PHKB: variants seen among roughly 807,000 people sequenced by gnomAD.
The protein encoded by PHKB is phosphorylase kinase regulatory subunit beta, also known as phosphorylase b kinase regulatory subunit beta.
PHKB carries 122 observed loss-of-function variants against 152.1 expected under a neutral mutation model. That is an observed-to-expected ratio of 0.80 (90% CI 0.69 to 0.93). The LOEUF (loss-of-function observed/expected upper bound fraction) is 0.93, where lower values mean the gene tolerates loss of function less well. Ranked by LOEUF, PHKB falls within the 40% of genes least tolerant of loss-of-function variation. PHKB has a pLI of 0.00. For synonymous variants in PHKB, 436 were observed against 464.9 expected (o/e 0.94, Z 0.80); for missense variants, 1,304 against 1,328.4 (o/e 0.98, Z 0.29).
intron 26 of PHKB, among the ~76,000 whole-genome samples, chr16:47,678,094 T>C (rs1275599822): frequency 1.3e-5 from 2 of 152,102 alleles, no homozygotes; most frequent in Non-Finnish European, 2.9e-5. Flanking sequence ...ACAAAGGACC[T>C]GAACTCATCA....
chr16:47,636,957 C>T (rs944957976), intron 14 of PHKB, among the ~76,000 whole-genome samples: 2 of 152,136 alleles, frequency 1.3e-5, no homozygotes, highest in Admixed American at 6.5e-5. Context: ...GCCCATGGAC[C>T]GATCAGCATG....
At chr16:47,477,655 G>A (rs886517277) in intron 1 of PHKB, among the ~76,000 whole-genome samples, 6 of 152,236 alleles carry the variant, frequency 3.9e-5, no homozygotes, top group South Asian at 4.1e-4. Context: ...GACGTGGTGA[G>A]GGCACTTTTG....
At chr16:47,499,296 A>C (rs1399064801) in intron 2 of PHKB, among the ~76,000 whole-genome samples, 1 of 152,148 alleles carries the variant, frequency 6.6e-6, no homozygotes, top group African/African-American at 2.4e-5. Flanking sequence ...CCCTTCCTAC[A>C]TTGTTGATCA....
chr16:47,568,758 C>T (rs1971609569), intron 7 of PHKB, among the ~76,000 whole-genome samples: 2 of 152,062 alleles, frequency 1.3e-5, no homozygotes, highest in South Asian at 4.1e-4. Context: ...TTTAAAATTT[C>T]ATCTTGATTA....
At chr16:47,580,966 G>A (rs1250452287) in intron 8 of PHKB, among the ~76,000 whole-genome samples, 1 of 152,170 alleles carries the variant, frequency 6.6e-6, no homozygotes, top group Non-Finnish European at 1.5e-5. Flanking sequence ...GTTGTCAGTG[G>A]AAAGGAATAA....
intron 16 of PHKB, among the ~76,000 whole-genome samples, chr16:47,644,793 G>C (rs962417428): frequency 6.6e-6 from 1 of 152,184 alleles, no homozygotes; most frequent in South Asian, 2.1e-4. Context: ...GTGCCAAAAA[G>C]CCATTGAGGA....
At chr16:47,697,764 AT>A (rs1185896919) in intron 29 of PHKB, among the ~76,000 whole-genome samples, 1 of 152,244 alleles carries the variant, frequency 6.6e-6, no homozygotes, top group Non-Finnish European at 1.5e-5. Flanking sequence ...TGCAGATATT[AT>A]TTTTGCTTAT....
At chr16:47,649,370 C>A (rs1358223318) in intron 18 of PHKB, among the ~76,000 whole-genome samples, 166 bp downstream of exon 18, 2 of 151,996 alleles carry the variant, frequency 1.3e-5, no homozygotes, top group East Asian at 3.9e-4. Flanking sequence ...AAATTACTTG[C>A]AGCATTGGCA....
chr16:47,688,929 C>T (rs1974012544), intron 26 of PHKB, 112 bp from the exon 27 acceptor site: 3 of 1,152,916 alleles, frequency 2.6e-6, no homozygotes, highest in African/African-American at 1.5e-5. Context: ...CAAACGGCCT[C>T]TTCTTCATTC....
At chr16:47,676,316 A>G (rs1973731765) in intron 26 of PHKB, 1 of 152,184 alleles carries the variant, frequency 6.6e-6, no homozygotes, top group Non-Finnish European at 1.5e-5. Flanking sequence ...GCCTTATGGT[A>G]CAATAAGCAC....
intron 26 of PHKB, among the ~76,000 whole-genome samples, chr16:47,684,627 C>T (rs994734629): frequency 3.3e-5 from 5 of 151,238 alleles, no homozygotes; most frequent in Non-Finnish European, 5.9e-5. Context: ...ATTAGCTGGG[C>T]GTAGTAGCGG....
Position 47,640,982 on chromosome 16 carries a change from A to C in PHKB, c.1459-53A>C. ...TTGTCCTTGTTTCTCATTGTAGCTGATGATGACCAGATCTTTTAAAATGTT... is the reference window on the plus strand; with the variant it reads ...TTGTCCTTGTTTCTCATTGTAGCTGCTGATGACCAGATCTTTTAAAATGTT... On this transcript the variant is annotated intron_variant, in intron 14 of 30. Transcript: ENST00000323584. 2.7e-6 allele frequency: 4 copies of C among 1,468,328 alleles called. No individual in the cohort carries two copies. The East Asian group carries it at 9.0e-5, about 33-fold the overall frequency. 91.0% of individuals were successfully genotyped at this position (1,468,328 alleles called of 1,614,324 possible).
Position 47,616,567 on chromosome 16 carries a change from AT to A in PHKB, c.1458+5651del, listed in dbSNP as rs573763101. Among the ~76,000 whole-genome samples the A allele has an allele frequency of 3.3e-3, 481 of 146,512 alleles. 1 individual carries two copies. Among genetic ancestry groups the A allele is most frequent in the African/African-American group, 0.011 (457 of 40,550 alleles). ...AAATATAAAACATATGTTAATATAT[AT>A]TTTACATATAAATATCATATATTAA... On this transcript the variant is annotated intron_variant, in intron 14 of 30. Coordinates refer to ENST00000323584, the MANE Select transcript of PHKB (RefSeq NM_000293.3).
intron 26 of PHKB, among the ~76,000 whole-genome samples, chr16:47,681,276 T>C (rs180816715): frequency 2.7e-4 from 41 of 151,098 alleles, no homozygotes; most frequent in African/African-American, 9.2e-4. Context: ...TCTGTAGATG[T>C]CTATTAGGTC....
intron 16 of PHKB, among the ~76,000 whole-genome samples, chr16:47,643,550 G>A (rs978567233): frequency 6.6e-6 from 1 of 152,222 alleles, no homozygotes; most frequent in African/African-American, 2.4e-5. Flanking sequence ...CAACCTTCCT[G>A]TGCATGTGTT....
intron 26 of PHKB, among the ~76,000 whole-genome samples, chr16:47,681,398 G>A (rs896635038): frequency 1.3e-5 from 2 of 148,388 alleles, no homozygotes; most frequent in African/African-American, 4.9e-5. Context: ...TTACTGTGTG[G>A]GAGTCTAAGT....
chr16:47,673,843 T>C (rs1464428903), intron 26 of PHKB, among the ~76,000 whole-genome samples: 2 of 152,170 alleles, frequency 1.3e-5, no homozygotes, highest in African/African-American at 2.4e-5. Flanking sequence ...AACTTTGAAG[T>C]AGGCACTAGA....
At chr16:47,648,794 A>G (rs1228078981) in intron 17 of PHKB, among the ~76,000 whole-genome samples, 178 bp downstream of exon 17, 1 of 152,202 alleles carries the variant, frequency 6.6e-6, no homozygotes, top group East Asian at 1.9e-4. Context: ...GAAGTCTTAT[A>G]AATATGAAGG....
chr16:47,530,498 A>G (rs1351972341), intron 6 of PHKB, among the ~76,000 whole-genome samples: 1 of 152,224 alleles, frequency 6.6e-6, no homozygotes, highest in Non-Finnish European at 1.5e-5. Flanking sequence ...CCAAAGCAAT[A>G]AGGCAAGAAG....
Sources: allele counts gnomAD v4.1 joint callset (sites outside exome capture counted in the v4.1 genomes callset), GRCh38; gene constraint gnomAD v4.1.1; transcripts MANE v1.5; gene names NCBI Gene and HGNC (gene_info 2026-07-23, HGNC 2026-07-21).